PAH: variants seen among roughly 807,000 people sequenced by gnomAD.
The protein encoded by PAH is phenylalanine-4-hydroxylase.
A neutral mutation model predicts 62.0 loss-of-function variants in PAH; 64 were observed. The ratio of observed to expected loss-of-function variants is 1.03; its 90% CI spans 0.84 to 1.27. PAH has a LOEUF of 1.27. PAH is among the 50% of genes most tolerant of loss of function. The probability of loss-of-function intolerance (pLI) is 0.00; values close to 1 mark genes in which losing one functional copy is unlikely to be tolerated. For synonymous variants in PAH, 195 were observed against 196.2 expected, an observed-to-expected ratio of 0.99 and a Z score of 0.05; for missense variants, 579 against 542.8, an observed-to-expected ratio of 1.07 and a Z score of -0.66.
intron 1 of PAH, among the ~76,000 whole-genome samples, chr12:102,944,109 G>C (rs1879399801): frequency 6.6e-6 from 1 of 152,172 alleles, no homozygotes; most frequent in Non-Finnish European, 1.5e-5. Context: ...TGCCTATAAG[G>C]TTTCCACTGA....
chr12:102,945,888 C>T (rs1416080348), intron 1 of PAH: 1 of 152,278 alleles, frequency 6.6e-6, no homozygotes, highest in Non-Finnish European at 1.5e-5. Context: ...ATAGCCACCA[C>T]AGCTAGGAAT....
At chr12:102,909,249 T>A (rs1169677091) in intron 2 of PAH, among the ~76,000 whole-genome samples, 1 of 152,186 alleles carries the variant, frequency 6.6e-6, no homozygotes, top group East Asian at 1.9e-4. Flanking sequence ...TGTTCCTCAA[T>A]TAGGATTCAT....
chr12:102,846,507 T>C (rs1451628509), intron 9 of PAH, among the ~76,000 whole-genome samples: 2 of 152,174 alleles, frequency 1.3e-5, no homozygotes, highest in African/African-American at 2.4e-5. Context: ...TTCTCCCTCA[T>C]GTCTGAGAAA....
chr12:102,956,468 G>T (rs142465780), intron 1 of PAH, among the ~76,000 whole-genome samples: 6 of 152,208 alleles, frequency 3.9e-5, no homozygotes, highest in Non-Finnish European at 7.4e-5. Flanking sequence ...CCAGCACGCG[G>T]CCCCGCCGGG....
intron 4 of PAH, among the ~76,000 whole-genome samples, chr12:102,875,948 T>C (rs28672962): frequency 7.0e-5 from 3 of 42,760 alleles, no homozygotes; most frequent in Non-Finnish European, 1.5e-4. Context: ...TACATATATA[T>C]ATAGACAGAG....
intron 3 of PAH, chr12:102,886,102 G>C (rs1375121110): frequency 6.6e-6 from 1 of 152,188 alleles, no homozygotes; most frequent in Non-Finnish European, 1.5e-5. Flanking sequence ...TTCTGGAGAA[G>C]GAATGCTCTT....
chr12:102,897,461 GTGTGTATA>G (rs1277522601), intron 2 of PAH, among the ~76,000 whole-genome samples: 42 of 129,640 alleles, frequency 3.2e-4, no homozygotes, highest in Middle Eastern at 3.7e-3. Context: ...ATGTGTGTGT[GTGTGTATA>G]TATATATATA....
chr12:102,907,969 C>T (rs1160849914), intron 2 of PAH, among the ~76,000 whole-genome samples: 2 of 151,616 alleles, frequency 1.3e-5, no homozygotes, highest in Non-Finnish European at 2.9e-5. Flanking sequence ...GTTACTAAGG[C>T]GAGAAGTATA....
intron 3 of PAH, among the ~76,000 whole-genome samples, chr12:102,891,671 T>A (rs1411077682): frequency 6.6e-6 from 1 of 152,184 alleles, no homozygotes; most frequent in Non-Finnish European, 1.5e-5. Context: ...CAAGGGTCAA[T>A]GATTTGCTCA....
intron 3 of PAH, chr12:102,885,922 G>C (rs556085574): frequency 1.3e-5 from 2 of 152,634 alleles, no homozygotes; most frequent in South Asian, 4.1e-4. Context: ...CTCCTCCCAG[G>C]CTCCCGGATG....
At chr12:102,938,494 T>C (rs1879179689) in intron 1 of PAH, among the ~76,000 whole-genome samples, 1 of 152,100 alleles carries the variant, frequency 6.6e-6, no homozygotes. Context: ...AGGATAGGGT[T>C]TGTGTCCACA....
chr12:102,861,991 G>T lies in PAH; in HGVS notation c.509+4605C>A, dbSNP rs557376418. 5.5e-5 allele frequency among the ~76,000 whole-genome samples: 8 copies of T among 145,812 alleles called. No homozygotes were observed. The South Asian group carries it at 8.7e-4, about 16-fold the overall frequency. ...TAAAAAAAAAAAAAAAAGAAAGACT[G>T]TGGCAATTCCTCAAAGACCTAAAAA... is the stretch of plus-strand genomic sequence containing the variant. On this transcript the variant is annotated intron_variant, in intron 5 of 12. Coordinates refer to ENST00000553106, the MANE Select transcript of PAH (RefSeq NM_000277.3).
intron 1 of PAH, among the ~76,000 whole-genome samples, chr12:102,928,981 C>T (rs1878766311): frequency 6.6e-6 from 1 of 152,196 alleles, no homozygotes; most frequent in South Asian, 2.1e-4. Flanking sequence ...GGGGCGTTCT[C>T]ATGCCCCCAT....
chr12:102,844,618 A>C (rs1285114676), intron 9 of PAH, among the ~76,000 whole-genome samples, 187 bp from the exon 10 acceptor site: 2 of 152,176 alleles, frequency 1.3e-5, no homozygotes, highest in African/African-American at 4.8e-5. Flanking sequence ...ATCTTTCCTC[A>C]TTGTGGGCGG....
intron 11 of PAH, 128 bp downstream of exon 11, chr12:102,843,518 G>A: frequency 1.1e-6 from 1 of 950,958 alleles, no homozygotes; most frequent in Non-Finnish European, 1.7e-6. Flanking sequence ...GAACATGGGA[G>A]AGAAACTGTC....
At chr12:102,908,231 C>G (rs548661844) in intron 2 of PAH, among the ~76,000 whole-genome samples, 1 of 151,544 alleles carries the variant, frequency 6.6e-6, no homozygotes, top group African/African-American at 2.4e-5. Context: ...GACACACACA[C>G]ACACACACAC....
chr12:102,846,900 C>T lies in PAH; in HGVS notation c.964G>A (p.Ala322Thr), dbSNP rs62514957. ...CAGGGAGAGAAGGGACTTACTGTGG[C>T]GAGCTTTTCAATGTATTCATCAGGT... ...GAPDEYIEKLATIYWFTVEFG... is the reference protein window; with the variant it reads ...GAPDEYIEKLTTIYWFTVEFG... The change falls in exon 9 of 13, where the codon GCC becomes ACC. Residue 322 changes from alanine to threonine, a missense_variant. Physicochemically the swap from Ala to Thr is moderately conservative, Grantham distance 58 (BLOSUM62 0). Coordinates refer to ENST00000553106, the MANE Select transcript of PAH (RefSeq NM_000277.3). The T allele has an allele frequency of 8.8e-5, 142 of 1,613,234 alleles. No homozygotes were observed. Among genetic ancestry groups the T allele is most frequent in the South Asian group, 2.2e-4 (20 of 91,052 alleles).
intron 2 of PAH, among the ~76,000 whole-genome samples, chr12:102,899,560 C>T (rs1877650685): frequency 6.6e-6 from 1 of 152,090 alleles, no homozygotes; most frequent in Admixed American, 6.5e-5. Flanking sequence ...ATTAGGCAAT[C>T]ATTAAAAAGT....
At chr12:102,897,644 G>T (rs1401983602) in intron 2 of PAH, among the ~76,000 whole-genome samples, 3 of 152,040 alleles carry the variant, frequency 2.0e-5, no homozygotes, top group African/African-American at 7.2e-5. Flanking sequence ...CAGAAAAAAG[G>T]CAATAACTTC....
Sources: gnomAD v4.1 joint callset for allele counts (sites outside exome capture counted in the v4.1 genomes callset) on GRCh38, gnomAD v4.1.1 for gene constraint, MANE v1.5 for transcripts, NCBI Gene and HGNC (gene_info 2026-07-23, HGNC 2026-07-21) for gene names.